Variants in SP100 observed in about 807,000 individuals in gnomAD.
SP100 encodes the protein SP100 nuclear body protein.
Under a neutral mutation model 130.0 loss-of-function variants are expected in SP100, and 84 were observed. The ratio of observed to expected loss-of-function variants is 0.65; its 90% CI spans 0.54 to 0.77. The LOEUF (loss-of-function observed/expected upper bound fraction) is 0.77. Ranked by LOEUF, SP100 falls within the 30% of genes least tolerant of loss-of-function variation. The pLI is 0.00. For synonymous variants in SP100, 331 were observed against 351.7 expected, an observed-to-expected ratio of 0.94 and a Z score of 0.66; for missense variants, 978 against 1,052.2, an observed-to-expected ratio of 0.93 and a Z score of 0.97.
At chr2:230,477,636 T>C (rs1056227011) in intron 17 of SP100, among the ~76,000 whole-genome samples, 1 of 152,190 alleles carries the variant, frequency 6.6e-6, no homozygotes, top group Non-Finnish European at 1.5e-5. Context: ...GTTCTTCTTT[T>C]GTAATTGAAG....
At chr2:230,467,283 T>A in intron 13 of SP100, 68 bp downstream of exon 13, 2 of 1,106,126 alleles carry the variant, frequency 1.8e-6, no homozygotes, top group Non-Finnish European at 2.8e-6. Context: ...CACTGTGCTC[T>A]GAGCACACAC....
chr2:230,509,583 G>A (rs940338640), intron 23 of SP100: 23 of 152,256 alleles, frequency 1.5e-4, no homozygotes, highest in African/African-American at 5.6e-4. Flanking sequence ...CATTCCCTGA[G>A]GGCCCACAGC....
chr2:230,467,005 C>G, intron 12 of SP100, 115 bp from the exon 13 acceptor site: 1 of 726,074 alleles, frequency 1.4e-6, no homozygotes, highest in Admixed American at 2.0e-5. Flanking sequence ...CATTCTTGCC[C>G]TGAAGTTTCA....
chr2:230,511,928 A>T (rs1009415877), intron 24 of SP100, among the ~76,000 whole-genome samples: 7 of 152,326 alleles, frequency 4.6e-5, no homozygotes, highest in Admixed American at 1.3e-4. Context: ...ATGCAGTGAC[A>T]CAATCACAGC....
rs117526795 is a variant in SP100, at chr2:230,544,435, A to G, written c.*1489A>G. 6.6e-6 allele frequency among the ~76,000 whole-genome samples: 1 copy of G among 152,294 alleles called. No homozygotes were observed. Among genetic ancestry groups the G allele is most frequent in the East Asian group, 1.9e-4 (1 of 5,182 alleles). ...CAGCTTCTATAGGGAACTTAAACAA[A>G]TTTACAAGACAAAAAGAAATAACCC... On this transcript the variant is annotated 3_prime_UTR_variant, in exon 29 of 29. Transcript: ENST00000340126.
intron 2 of SP100, among the ~76,000 whole-genome samples, chr2:230,434,442 A>C (rs903469510): frequency 6.6e-6 from 1 of 152,216 alleles, no homozygotes; most frequent in Admixed American, 6.5e-5. Context: ...CCTTGTATAT[A>C]TCAGATACTC....
At chr2:230,480,435 C>T (rs949878702) in intron 17 of SP100, among the ~76,000 whole-genome samples, 5 of 152,186 alleles carry the variant, frequency 3.3e-5, no homozygotes, top group Non-Finnish European at 5.9e-5. Flanking sequence ...TCATTGCTTG[C>T]TCTTTGTCAT....
intron 24 of SP100, among the ~76,000 whole-genome samples, chr2:230,523,030 G>A (rs1691250874): frequency 1.3e-5 from 2 of 151,524 alleles, no homozygotes; most frequent in Admixed American, 6.6e-5. Context: ...GCCCAGGCTG[G>A]TCTCAAACTC....
Position 230,470,084 on chromosome 2 carries a change from TA to T in SP100, c.1417del (p.Arg473GlufsTer42). 1 of 1,609,202 alleles carries T rather than the reference TA, an allele frequency of 6.2e-7. No individual in the cohort carries two copies. Among genetic ancestry groups the T allele is most frequent in the Non-Finnish European group, 8.5e-7 (1 of 1,177,440 alleles). ...EELQETCSSSLRRGSGSQPQE... is the reference protein window; with the variant it reads ...EELQETCSSSXRRGSGSQPQE... ...CTTCAGGAAACCTGCAGCTCATCCC[TA>T]AGAAGAGGGTCAGGTAAAGAAGATT... On this transcript the variant is annotated frameshift_variant, in exon 15 of 29. Coordinates refer to ENST00000340126, the MANE Select transcript of SP100 (RefSeq NM_001080391.2). LOFTEE classifies it high-confidence loss of function.
At chr2:230,430,156 G>A (rs1251326638) in intron 2 of SP100, among the ~76,000 whole-genome samples, 1 of 152,214 alleles carries the variant, frequency 6.6e-6, no homozygotes, top group Non-Finnish European at 1.5e-5. Flanking sequence ...TTCTGGGCAG[G>A]TCAGCTGGTA....
chr2:230,425,333 T>A (rs1017259243), intron 2 of SP100, among the ~76,000 whole-genome samples: 7 of 152,220 alleles, frequency 4.6e-5, no homozygotes, highest in Non-Finnish European at 5.9e-5. Flanking sequence ...CAACTGCTAT[T>A]TGACCCTCTG....
intron 8 of SP100, among the ~76,000 whole-genome samples, chr2:230,453,078 G>T (rs182042801): frequency 3.3e-4 from 50 of 152,282 alleles, no homozygotes; most frequent in South Asian, 8.3e-4. Flanking sequence ...ATTGACTCAA[G>T]AGTTCAGCAT....
intron 17 of SP100, among the ~76,000 whole-genome samples, chr2:230,491,360 G>T (rs779756717): frequency 1.3e-5 from 2 of 152,226 alleles, no homozygotes; most frequent in African/African-American, 2.4e-5. Flanking sequence ...TGAGCCTCTG[G>T]CTGGAGTTAT....
At chr2:230,539,177 A>G in intron 24 of SP100, 90 bp from the exon 25 acceptor site, 1 of 760,020 alleles carries the variant, frequency 1.3e-6, no homozygotes, top group South Asian at 1.6e-5. Context: ...ACAGAAATTT[A>G]CAAGTGTGCC....
intron 24 of SP100, chr2:230,515,342 C>A (rs138692944): frequency 1.0e-4 from 166 of 1,613,720 alleles, no homozygotes; most frequent in Non-Finnish European, 1.4e-4. Flanking sequence ...CTGTTCTGCT[C>A]TGAGTATCGC....
chr2:230,469,306 T>C (rs2065145755), intron 14 of SP100: 1 of 536,234 alleles, frequency 1.9e-6, no homozygotes, highest in Non-Finnish European at 3.4e-6. Flanking sequence ...ATAAGTTTAT[T>C]TTTCACTCAC....
Position 230,542,933 on chromosome 2 carries a change from T to G in SP100, c.2645T>G (p.Ile882Arg), listed in dbSNP as rs1401137171. Residue 882 changes from isoleucine to arginine, a missense_variant, in exon 29 of 29, where the codon ATA becomes AGA. Ile to Arg is a moderately conservative substitution (Grantham distance 97). Coordinates refer to ENST00000340126, the MANE Select transcript of SP100 (RefSeq NM_001080391.2). The stretch of plus-strand genomic sequence containing the variant: ...ATTCAGGAAACAAGCAAGAACATTA[T>G]AATGTTTATTTAGCCATTCTTATCT... Reference protein sequence around the residue: ...FAIQETSKNIIMFI With the variant: ...FAIQETSKNIRMFI The G allele has an allele frequency of 3.8e-6, 6 of 1,583,864 alleles. No homozygotes were observed. The highest frequency in any genetic ancestry group is 5.2e-6 in the Non-Finnish European group (6 of 1,152,580).
intron 4 of SP100, 63 bp downstream of exon 4, chr2:230,444,409 T>G: frequency 7.7e-7 from 1 of 1,290,772 alleles, no homozygotes; most frequent in Non-Finnish European, 1.1e-6. Context: ...AAGTATATAC[T>G]GATCTCCTAC....
intron 1 of SP100, 80 bp downstream of exon 1, chr2:230,416,408 A>C (rs950081131): frequency 3.3e-6 from 4 of 1,229,060 alleles, no homozygotes; most frequent in Non-Finnish European, 4.7e-6. Context: ...GTTTGTGCCT[A>C]AGGCTTCACT....
Sources: gnomAD v4.1 joint callset for allele counts (sites outside exome capture counted in the v4.1 genomes callset) on GRCh38, gnomAD v4.1.1 for gene constraint, MANE v1.5 for transcripts, NCBI Gene and HGNC (gene_info 2026-07-23, HGNC 2026-07-21) for gene names.